BANK1: variants seen among roughly 807,000 people sequenced by gnomAD.
BANK1 encodes B-cell scaffold protein with ankyrin repeats.
BANK1 carries 95 observed loss-of-function variants against 94.5 expected under a neutral mutation model. The observed-to-expected ratio is 1.00, with a 90% CI of 0.85 to 1.19. BANK1 has a LOEUF of 1.19. Among genes scored for constraint, BANK1 ranks in the 50% most tolerant of loss-of-function variants. The pLI is 0.00. For synonymous variants in BANK1, 334 were observed against 308.4 expected (o/e 1.08, Z -0.87); for missense variants, 987 against 932.2 (o/e 1.06, Z -0.77).
intron 10 of BANK1, among the ~76,000 whole-genome samples, chr4:102,037,587 C>T (rs2850394): frequency 0.58 from 87,985 of 152,006 alleles, 25,707 homozygotes; most frequent in Admixed American, 0.64. Context: ...TCTCCCCTAA[C>T]GGACCAGCAG....
At chr4:101,894,366 A>C (rs535065168) in intron 5 of BANK1, among the ~76,000 whole-genome samples, 2 of 152,124 alleles carry the variant, frequency 1.3e-5, no homozygotes, top group African/African-American at 4.8e-5. Context: ...CCTTCTTTTC[A>C]CTTCTTAGCA....
intron 2 of BANK1, among the ~76,000 whole-genome samples, chr4:101,848,283 G>A (rs1727334795): frequency 6.6e-6 from 1 of 152,114 alleles, no homozygotes. Flanking sequence ...TTGCTGGTTT[G>A]TTCTTGTAGT....
intron 1 of BANK1, among the ~76,000 whole-genome samples, chr4:101,793,097 G>T (rs4518254): frequency 0.57 from 86,525 of 151,788 alleles, 24,781 homozygotes; most frequent in South Asian, 0.67. Flanking sequence ...TGATATTATT[G>T]GATGCATCTG....
intron 7 of BANK1, among the ~76,000 whole-genome samples, chr4:101,933,313 A>G (rs1466874373): frequency 3.6e-5 from 2 of 55,960 alleles, no homozygotes; most frequent in South Asian, 4.1e-4. Flanking sequence ...AAGAAAGGAG[A>G]AAAAAAAAAA....
chr4:102,051,480 A>AAAT (rs1408365591), intron 11 of BANK1, among the ~76,000 whole-genome samples: 1 of 152,206 alleles, frequency 6.6e-6, no homozygotes, highest in East Asian at 1.9e-4. Flanking sequence ...AAAAAAGATG[A>AAAT]AATTCTTAAT....
intron 1 of BANK1, among the ~76,000 whole-genome samples, chr4:101,821,271 G>T (rs1398148857): frequency 1.3e-5 from 2 of 152,104 alleles, no homozygotes; most frequent in South Asian, 2.1e-4. Context: ...GTCTATTCAT[G>T]TCCTTTGCCC....
chr4:101,958,226 G>C (rs745829663), intron 7 of BANK1, among the ~76,000 whole-genome samples: 4 of 152,112 alleles, frequency 2.6e-5, no homozygotes, highest in Admixed American at 6.6e-5. Context: ...CACTAGGCTA[G>C]GTGTTTGATT....
At chr4:101,890,785 C>T (rs1363421064) in intron 5 of BANK1, among the ~76,000 whole-genome samples, 1 of 145,086 alleles carries the variant, frequency 6.9e-6, no homozygotes, top group Non-Finnish European at 1.5e-5. Context: ...TTTGATGTAT[C>T]TCTTGTATTT....
chr4:101,922,578 T>A (rs572741654), intron 7 of BANK1, among the ~76,000 whole-genome samples: 64 of 151,920 alleles, frequency 4.2e-4, no homozygotes, highest in African/African-American at 1.5e-3. Flanking sequence ...TATACTTAAC[T>A]AGGTCCCATA....
intron 7 of BANK1, among the ~76,000 whole-genome samples, chr4:101,948,199 G>A (rs929650192): frequency 6.6e-6 from 1 of 152,076 alleles, no homozygotes; most frequent in African/African-American, 2.4e-5. Context: ...TACAAAAGAG[G>A]AAGATCACAT....
intron 2 of BANK1, among the ~76,000 whole-genome samples, chr4:101,839,941 T>A (rs1430729013): frequency 0.056 from 588 of 10,540 alleles, 9 homozygotes; most frequent in African/African-American, 0.2. Context: ...TATTTAATTT[T>A]TTTTTTTTTT....
chr4:101,906,720 G>A (rs1722464019), intron 6 of BANK1, among the ~76,000 whole-genome samples: 1 of 152,148 alleles, frequency 6.6e-6, no homozygotes, highest in African/African-American at 2.4e-5. Flanking sequence ...TTACCCTGAT[G>A]CTTCTGAGCT....
At chr4:101,853,862 A>G (rs1014193793) in intron 2 of BANK1, among the ~76,000 whole-genome samples, 1 of 152,130 alleles carries the variant, frequency 6.6e-6, no homozygotes, top group Non-Finnish European at 1.5e-5. Flanking sequence ...TGGAATTGCT[A>G]AAGAAGCAGT....
intron 7 of BANK1, among the ~76,000 whole-genome samples, chr4:102,014,403 C>T (rs1439447531): frequency 6.6e-6 from 1 of 152,098 alleles, no homozygotes; most frequent in Non-Finnish European, 1.5e-5. Context: ...AACTCATGTA[C>T]TGTCTGTTCA....
intron 5 of BANK1, among the ~76,000 whole-genome samples, chr4:101,886,651 A>C (rs1728866113): frequency 6.6e-6 from 1 of 151,844 alleles, no homozygotes; most frequent in Admixed American, 6.6e-5. Flanking sequence ...AAACACTTTG[A>C]TTTGTCTCTT....
rs146634092 is a variant in BANK1 at position 101,868,425 on chromosome 4, C to A, written c.764-2080C>A. ...ATATATTCTCCAAGAAAACAGAAAACTCTTAAACAGGTATGCACTTAACAA... is the reference window on the plus strand; with the variant it reads ...ATATATTCTCCAAGAAAACAGAAAAATCTTAAACAGGTATGCACTTAACAA... On this transcript the variant is annotated intron_variant, in intron 4 of 16. Coordinates refer to ENST00000322953, the MANE Select transcript of BANK1 (RefSeq NM_017935.5). Among the ~76,000 whole-genome samples, 720 of 151,972 alleles carry A rather than the reference C, an allele frequency of 4.7e-3. 8 individuals are homozygous for A. The highest frequency in any genetic ancestry group is 0.012 in the Admixed American group (178 of 15,246).
intron 2 of BANK1, among the ~76,000 whole-genome samples, chr4:101,839,971 T>A (rs1228906818): frequency 0.011 from 624 of 57,488 alleles, 60 homozygotes; most frequent in African/African-American, 0.033. Flanking sequence ...TTTTTTTTTT[T>A]TTTTTTTTTT....
At chr4:102,012,044 GTTTTC>G (rs1484997450) in intron 7 of BANK1, among the ~76,000 whole-genome samples, 1 of 152,024 alleles carries the variant, frequency 6.6e-6, no homozygotes, top group Non-Finnish European at 1.5e-5. Flanking sequence ...ATGTCTCCTA[GTTTTC>G]TTTATTTTTT....
chr4:102,001,027 G>A (rs1316430637), intron 7 of BANK1, among the ~76,000 whole-genome samples: 1 of 152,132 alleles, frequency 6.6e-6, no homozygotes, highest in Non-Finnish European at 1.5e-5. Flanking sequence ...GTGAGTGCTG[G>A]AATGGGAAAG....
Sources: gnomAD v4.1 joint callset for allele counts (sites outside exome capture counted in the v4.1 genomes callset) on GRCh38, gnomAD v4.1.1 for gene constraint, MANE v1.5 for transcripts, NCBI Gene and HGNC (gene_info 2026-07-23, HGNC 2026-07-21) for gene names.